The following EPN1 variants were observed in gnomAD, a reference collection of about 807,000 sequenced individuals.
EPN1 encodes epsin 1.
A neutral mutation model predicts 56.9 loss-of-function variants in EPN1; 25 were observed. The ratio of observed to expected loss-of-function variants is 0.44; its 90% CI spans 0.32 to 0.61. The LOEUF (loss-of-function observed/expected upper bound fraction) is 0.61, where lower values mean the gene tolerates loss of function less well. EPN1 is among the 20% of genes least tolerant of loss of function. EPN1 has a pLI of 0.05. For synonymous variants in EPN1, 411 were observed against 361.8 expected, an observed-to-expected ratio of 1.14 and a Z score of -1.54; for missense variants, 785 against 823.7, an observed-to-expected ratio of 0.95 and a Z score of 0.58.
chr19:55,682,645 A>G (rs887809006), intron 2 of EPN1, among the ~76,000 whole-genome samples: 3 of 151,880 alleles, frequency 2.0e-5, no homozygotes, highest in Non-Finnish European at 2.9e-5. Context: ...GTCACCCACG[A>G]TGGTCTTGAA....
At position 55,707,652 on chromosome 19, in the gene EPN1, G is replaced by T. The variant is rs886273091; in HGVS notation, c.*12296G>T. The T allele has an allele frequency of 4.5e-5, 7 of 154,684 alleles. No homozygotes were observed. The highest frequency in any genetic ancestry group is 3.3e-4 in the Admixed American group (5 of 15,290). The allele number at this position is 154,684 out of a possible 1,614,324, so 9.6% of individuals were successfully genotyped here. A position where few individuals can be genotyped will look rare whatever the true frequency, so the allele number is the denominator to read the frequency against. On this transcript the variant is annotated 3_prime_UTR_variant, in exon 11 of 11. Coordinates refer to ENST00000270460, the MANE Select transcript of EPN1 (RefSeq NM_001130072.2). ...AACCATCTTTCCTTTGCAGACTGGG[G>T]TGGGGACTCTGGCCAATGCCATTCT...
Position 55,695,556 on chromosome 19 carries a change from G to A in EPN1, c.*200G>A. The A allele has an allele frequency of 1.7e-6, 1 of 577,660 alleles. No homozygotes were observed. The highest frequency in any genetic ancestry group is 2.2e-5 in the South Asian group (1 of 46,012). 35.8% of individuals were successfully genotyped at this position (577,660 alleles called of 1,614,324 possible). The stretch of plus-strand genomic sequence containing the variant: ...CTGGACATGGGGCCTGGGGAGGGGA[G>A]CTGGCCAGAGGAGGACCCCTTTCCC... On this transcript the variant is annotated 3_prime_UTR_variant, in exon 11 of 11. Coordinates refer to ENST00000270460, the MANE Select transcript of EPN1 (RefSeq NM_001130072.2). This position sits in a 1 kb window ranked among gnomAD's most constrained non-coding sequence, Gnocchi z 4.4.
At chr19:55,686,375 C>T (rs1986168029) in intron 3 of EPN1, among the ~76,000 whole-genome samples, 1 of 152,154 alleles carries the variant, frequency 6.6e-6, no homozygotes, top group Admixed American at 6.5e-5. Flanking sequence ...GTCTGCCAGG[C>T]TCTTCTGCTC....
rs1361756764 is a variant in EPN1, at chr19:55,700,355, C to G, written c.*4999C>G. 1 of 151,442 alleles carries G rather than the reference C, an allele frequency of 6.6e-6. No homozygotes were observed. Among genetic ancestry groups the G allele is most frequent in the Non-Finnish European group, 1.5e-5 (1 of 68,724 alleles). The allele number at this position is 151,442 out of a possible 1,614,324, so 9.4% of individuals were successfully genotyped here. A position where few individuals can be genotyped will look rare whatever the true frequency, so the allele number is the denominator to read the frequency against. On this transcript the variant is annotated 3_prime_UTR_variant, in exon 11 of 11. Transcript: ENST00000270460. ...AGTGCAGTGGCGCGATCTCGGCTCA[C>G]TGCAACCTCCGCCTCCCGGGTTCAA...
chr19:55,677,509 A>G (rs1985517561), intron 1 of EPN1: 2 of 1,216,222 alleles, frequency 1.6e-6, no homozygotes, highest in Non-Finnish European at 1.2e-6. Flanking sequence ...CTGCCCTGCC[A>G]TTCCTGGTGT....
intron 2 of EPN1, among the ~76,000 whole-genome samples, chr19:55,682,510 C>G (rs1018895695): frequency 6.6e-6 from 1 of 151,864 alleles, no homozygotes; most frequent in Non-Finnish European, 1.5e-5. Flanking sequence ...CCTCTGCCTC[C>G]CGGGCTTAAG....
In EPN1 at chr19:55,695,000, C is replaced by CACCT; in HGVS notation, c.1522+18_1522+21dup. 5.1e-6 allele frequency: 8 copies of CACCT among 1,558,742 alleles called. No homozygotes were observed. The highest frequency in any genetic ancestry group is 6.9e-6 in the Non-Finnish European group (8 of 1,153,134). On this transcript the variant is annotated intron_variant, in intron 10 of 10. Coordinates refer to ENST00000270460, the MANE Select transcript of EPN1 (RefSeq NM_001130072.2). This position sits in a 1 kb window ranked among gnomAD's most constrained non-coding sequence, Gnocchi z 4.2. ...TGCCAGGCGGTGAGTGTGGGCCCAT[C>CACCT]ACCTGCTCAAGTCCTTCCTGTGGGT... is the stretch of plus-strand genomic sequence containing the variant.
Position 55,689,461 on chromosome 19 carries a change from G to C in EPN1, c.678+90G>C. On this transcript the variant is annotated intron_variant, in intron 5 of 10. Transcript: ENST00000270460. The surrounding 1 kb of genome is among the most constrained non-coding windows in gnomAD (Gnocchi z 5.7). Reference sequence around the variant, plus strand: ...TTCCTAAGTCACCCCCCACCATCCTGCTGGGCCCGAAGCCCACAGGCTCAC... The same window carrying C: ...TTCCTAAGTCACCCCCCACCATCCTCCTGGGCCCGAAGCCCACAGGCTCAC... 1.0e-6 allele frequency: 1 copy of C among 1,000,986 alleles called. No homozygotes were observed. Among genetic ancestry groups the C allele is most frequent in the Non-Finnish European group, 1.5e-6 (1 of 654,500 alleles). The allele number at this position is 1,000,986 out of a possible 1,614,324, so 62.0% of individuals were successfully genotyped here.
chr19:55,678,904 A>AG (rs1303854566), intron 2 of EPN1, 49 bp downstream of exon 2: 1 of 1,369,138 alleles, frequency 7.3e-7, no homozygotes, highest in East Asian at 2.3e-5. Flanking sequence ...CTCAGGTGGG[A>AG]GGACAGGAGC....
rs925002925 is a variant in EPN1 at position 55,708,295 on chromosome 19, G to A, written c.*12939G>A. Reference sequence around the variant, plus strand: ...GCCAATAAGGCATCAGCAATTTACCGTAGGGAACTAGGGAATGTTTAATTA... The same window carrying A: ...GCCAATAAGGCATCAGCAATTTACCATAGGGAACTAGGGAATGTTTAATTA... On this transcript the variant is annotated 3_prime_UTR_variant, in exon 11 of 11. Coordinates refer to ENST00000270460, the MANE Select transcript of EPN1 (RefSeq NM_001130072.2). 10 of 152,202 alleles carry A rather than the reference G, an allele frequency of 6.6e-5. No individual in the cohort carries two copies. The highest frequency in any genetic ancestry group is 4.6e-4 in the Admixed American group (7 of 15,272). 9.4% of individuals were successfully genotyped at this position (152,202 alleles called of 1,614,324 possible). A position where few individuals can be genotyped will look rare whatever the true frequency, so the allele number is the denominator to read the frequency against.
chr19:55,692,610 T>G (rs1313120041), intron 7 of EPN1, 76 bp from the exon 8 acceptor site: 6 of 984,114 alleles, frequency 6.1e-6, no homozygotes, highest in South Asian at 1.8e-5. Context: ...AGCCACAGAT[T>G]TGGAGGCAAT....
At position 55,701,869 on chromosome 19, in the gene EPN1, GGT is replaced by G; in HGVS notation, c.*6516_*6517del. On this transcript the variant is annotated 3_prime_UTR_variant, in exon 11 of 11. Coordinates refer to ENST00000270460, the MANE Select transcript of EPN1 (RefSeq NM_001130072.2). ...TTTTATAGATGGGCTAGTGAGGAGG[GGT>G]GTCTTTTCTTCCTAGGGCCTGAAGA... 1 of 152,140 alleles carries G rather than the reference GGT, an allele frequency of 6.6e-6. No individual in the cohort carries two copies. 9.4% of individuals were successfully genotyped at this position (152,140 alleles called of 1,614,324 possible).
rs1384451388 is a variant in EPN1, at chr19:55,702,427, G to A, written c.*7071G>A. 6.6e-6 allele frequency: 1 copy of A among 152,218 alleles called. No homozygotes were observed. The highest frequency in any genetic ancestry group is 1.5e-5 in the Non-Finnish European group (1 of 68,068). The allele number at this position is 152,218 out of a possible 1,614,324, so 9.4% of individuals were successfully genotyped here. A position where few individuals can be genotyped will look rare whatever the true frequency, so the allele number is the denominator to read the frequency against. ...ACGCGCTTCCAGCTTCCCTTAGTGTGCCTAAAGAAAGGGAAAGGAATGTGC... is the reference window on the plus strand; with the variant it reads ...ACGCGCTTCCAGCTTCCCTTAGTGTACCTAAAGAAAGGGAAAGGAATGTGC... On this transcript the variant is annotated 3_prime_UTR_variant, in exon 11 of 11. Transcript: ENST00000270460.
rs1987370941 is a variant in EPN1, at chr19:55,705,823, A to AGAGTGTTT, written c.*10467_*10468insGAGTGTTT. On this transcript the variant is annotated 3_prime_UTR_variant, in exon 11 of 11. Transcript: ENST00000270460. ...GTTGTTGTGGGATATATATATATAT[A>AGAGTGTTT]TATATTTAGAGTGTTGTGGGATATA... 8.1e-6 allele frequency: 1 copy of AGAGTGTTT among 123,298 alleles called. No individual in the cohort carries two copies. Among genetic ancestry groups the AGAGTGTTT allele is most frequent in the African/African-American group, 3.9e-5 (1 of 25,536 alleles). The allele number at this position is 123,298 out of a possible 1,614,324, so 7.6% of individuals were successfully genotyped here.
At position 55,706,061 on chromosome 19, in the gene EPN1, C is replaced by T; in HGVS notation, c.*10705C>T. 4.5e-6 allele frequency: 1 copy of T among 223,188 alleles called. No individual in the cohort carries two copies. Among genetic ancestry groups the T allele is most frequent in the South Asian group, 6.2e-5 (1 of 16,164 alleles). 13.8% of individuals were successfully genotyped at this position (223,188 alleles called of 1,614,324 possible). A position where few individuals can be genotyped will look rare whatever the true frequency, so the allele number is the denominator to read the frequency against. ...GGAAGAAAAGGGACCATAGAATGTC[C>T]ATTGGTTGGGGAACAACCCAGCTTT... is the stretch of plus-strand genomic sequence containing the variant. On this transcript the variant is annotated 3_prime_UTR_variant, in exon 11 of 11. Transcript: ENST00000270460.
chr19:55,678,440 CCA>C (rs1241455531), intron 1 of EPN1, 85 bp from the exon 2 acceptor site: 11 of 1,314,602 alleles, frequency 8.4e-6, no homozygotes, highest in Non-Finnish European at 1.0e-5. Flanking sequence ...GCCTTCTGGG[CCA>C]CAGTTAGGAA....
At chr19:55,686,507 G>A (rs931961308) in intron 3 of EPN1, among the ~76,000 whole-genome samples, 32 of 152,298 alleles carry the variant, frequency 2.1e-4, no homozygotes, top group African/African-American at 7.2e-4. Flanking sequence ...GGAAGGGCCT[G>A]TGGCCCTCGT....
chr19:55,676,977 A>G, intron 1 of EPN1: 1 of 652,018 alleles, frequency 1.5e-6, no homozygotes, highest in Non-Finnish European at 2.5e-6. Context: ...TCTTCATCTT[A>G]ATGTATTAGG....
chr19:55,682,329 A>G (rs917809621), intron 2 of EPN1, among the ~76,000 whole-genome samples: 4 of 152,190 alleles, frequency 2.6e-5, no homozygotes, highest in African/African-American at 9.7e-5. Flanking sequence ...TGAGCTTTAT[A>G]TATGTGGAGT....
Sources: allele counts gnomAD v4.1 joint callset (sites outside exome capture counted in the v4.1 genomes callset), GRCh38; gene constraint gnomAD v4.1.1; non-coding constraint Gnocchi (gnomAD v3.1); transcripts MANE v1.5; gene names NCBI Gene and HGNC (gene_info 2026-07-23, HGNC 2026-07-21).